The following CDH13 variants were observed in gnomAD, a reference collection of about 807,000 sequenced individuals.
CDH13 encodes cadherin 13, also known as cadherin-13.
CDH13 carries 24 observed loss-of-function variants against 63.8 expected under a neutral mutation model. That is an observed-to-expected ratio of 0.38 (90% confidence interval 0.27 to 0.53). CDH13 has a LOEUF of 0.53. CDH13 is among the 20% of genes least tolerant of loss of function. The probability of loss-of-function intolerance (pLI) is 0.85; values close to 1 mark genes in which losing one functional copy is unlikely to be tolerated. For synonymous variants in CDH13, 503 were observed against 355.3 expected, an observed-to-expected ratio of 1.42 and a Z score of -4.67; for missense variants, 1,049 against 903.1, an observed-to-expected ratio of 1.16 and a Z score of -2.07.
At chr16:82,872,108 A>G (rs868676108) in intron 2 of CDH13, among the ~76,000 whole-genome samples, 1 of 152,196 alleles carries the variant, frequency 6.6e-6, no homozygotes, top group African/African-American at 2.4e-5. Flanking sequence ...TTCTAAGGGT[A>G]TTGTGCTCTG....
chr16:83,030,280 C>T (rs773900655), intron 2 of CDH13, among the ~76,000 whole-genome samples: 11 of 152,194 alleles, frequency 7.2e-5, no homozygotes, highest in Non-Finnish European at 1.2e-4. Context: ...CTCTTGGCCT[C>T]TCTTCCTGCC....
chr16:83,686,474 G>C (rs564534362), intron 10 of CDH13, among the ~76,000 whole-genome samples: 8 of 152,158 alleles, frequency 5.3e-5, no homozygotes, highest in Non-Finnish European at 1.0e-4. Flanking sequence ...AAAGAAAGCA[G>C]CAAAATTGAA....
intron 1 of CDH13, among the ~76,000 whole-genome samples, chr16:82,682,354 G>A (rs1375019829): frequency 1.3e-5 from 2 of 152,162 alleles, no homozygotes; most frequent in Admixed American, 6.5e-5. Context: ...GAATAGAGTA[G>A]AAAGTTTTCA....
intron 7 of CDH13, among the ~76,000 whole-genome samples, chr16:83,554,709 A>C (rs181168804): frequency 6.6e-6 from 1 of 152,208 alleles, no homozygotes; most frequent in African/African-American, 2.4e-5. Context: ...ATACTTCTGC[A>C]AGGACATCTG....
chr16:82,844,095 G>A (rs1160316639), intron 1 of CDH13, among the ~76,000 whole-genome samples: 1 of 152,140 alleles, frequency 6.6e-6, no homozygotes, highest in Non-Finnish European at 1.5e-5. Context: ...ATGTGTCAAG[G>A]TTACCTGTAT....
intron 6 of CDH13, among the ~76,000 whole-genome samples, chr16:83,433,096 C>A (rs1260428271): frequency 6.6e-6 from 1 of 152,130 alleles, no homozygotes; most frequent in Admixed American, 6.5e-5. Context: ...CACAGAGAAG[C>A]CATCAGCAGG....
rs1904292719 is a variant in CDH13 at position 83,798,256 on chromosome 16, A to AT, written c.*3231dup. On this transcript the variant is annotated 3_prime_UTR_variant, in exon 14 of 14. Coordinates refer to ENST00000567109, the MANE Select transcript of CDH13 (RefSeq NM_001257.5). ...AATCTTAAGATGTGACAACTAAAAA[A>AT]TTTTTAACAAGTCTGTGTTTGATCC... 6.6e-6 allele frequency: 1 copy of AT among 152,218 alleles called. No individual in the cohort carries two copies. The highest frequency in any genetic ancestry group is 1.5e-5 in the Non-Finnish European group (1 of 68,048). The allele number at this position is 152,218 out of a possible 1,614,324, so 9.4% of individuals were successfully genotyped here. A position where few individuals can be genotyped will look rare whatever the true frequency, so the allele number is the denominator to read the frequency against.
chr16:82,853,183 T>C (rs1284241979), intron 1 of CDH13, among the ~76,000 whole-genome samples: 3 of 152,188 alleles, frequency 2.0e-5, no homozygotes, highest in African/African-American at 7.2e-5. Context: ...AACTCAATCA[T>C]ATCAGGCACT....
At position 83,678,124 on chromosome 16, in the gene CDH13, C is replaced by T. The variant is rs964107890; in HGVS notation, c.1285-84C>T. On this transcript the variant is annotated intron_variant, in intron 9 of 13. Coordinates refer to ENST00000567109, the MANE Select transcript of CDH13 (RefSeq NM_001257.5). ...CCATCCCTGAAGGCCCACTGTTGCT[C>T]GTGGAATTTCAGAGGAAGTTGATGC... The T allele has an allele frequency of 4.2e-6, 6 of 1,444,290 alleles. No homozygotes were observed. The South Asian group carries it at 5.2e-5, about 13-fold the overall frequency. 89.5% of individuals were successfully genotyped at this position (1,444,290 alleles called of 1,614,324 possible). A position where few individuals can be genotyped will look rare whatever the true frequency, so the allele number is the denominator to read the frequency against.
chr16:83,304,229 G>A (rs1325447255), intron 5 of CDH13, among the ~76,000 whole-genome samples: 1 of 152,070 alleles, frequency 6.6e-6, no homozygotes, highest in Admixed American at 6.6e-5. Context: ...CTGGGAACAC[G>A]CTGAAATATT....
chr16:83,367,197 G>A (rs1287084568), intron 6 of CDH13, among the ~76,000 whole-genome samples: 1 of 152,070 alleles, frequency 6.6e-6, no homozygotes, highest in African/African-American at 2.4e-5. Flanking sequence ...GCCCATTCTG[G>A]ACATTTCATA....
At chr16:83,500,313 TCC>T (rs1472092159) in intron 7 of CDH13, among the ~76,000 whole-genome samples, 37 of 1,464 alleles carry the variant, frequency 0.025, 10 homozygotes, top group East Asian at 0.5. Flanking sequence ...CTTCTCCTTC[TCC>T]TTCTCCTCCT....
chr16:82,823,838 G>A (rs1455810465), intron 1 of CDH13: 1 of 152,218 alleles, frequency 6.6e-6, no homozygotes, highest in Middle Eastern at 3.4e-3. Context: ...AATTGGAAGT[G>A]GGATTATACA....
chr16:83,228,082 G>A (rs1189130021), intron 5 of CDH13, among the ~76,000 whole-genome samples: 2 of 152,188 alleles, frequency 1.3e-5, no homozygotes, highest in Non-Finnish European at 2.9e-5. Context: ...TGAGAAGGGA[G>A]GCCAGATGGA....
chr16:82,733,637 A>G (rs2151040217), intron 1 of CDH13, among the ~76,000 whole-genome samples: 1 of 152,338 alleles, frequency 6.6e-6, no homozygotes, highest in South Asian at 2.1e-4. Context: ...GAGGTTCTAT[A>G]GATGCTCAAG....
At chr16:82,718,137 G>C (rs1421103853) in intron 1 of CDH13, among the ~76,000 whole-genome samples, 1 of 152,168 alleles carries the variant, frequency 6.6e-6, no homozygotes, top group African/African-American at 2.4e-5. Context: ...GCCAGTGATG[G>C]GAGTTGCTTT....
chr16:82,760,259 C>A (rs1421713498), intron 1 of CDH13, among the ~76,000 whole-genome samples: 2 of 152,132 alleles, frequency 1.3e-5, no homozygotes, highest in African/African-American at 4.8e-5. Flanking sequence ...ATAGTACCGC[C>A]CCCGCAAAAA....
At chr16:83,109,498 G>GA (rs2034957289) in intron 3 of CDH13, among the ~76,000 whole-genome samples, 1 of 152,190 alleles carries the variant, frequency 6.6e-6, no homozygotes, top group Non-Finnish European at 1.5e-5. Flanking sequence ...GGGAAGGTAT[G>GA]TGTCAAACCC....
At chr16:82,629,890 AATGTG>A (rs1477870102) in intron 1 of CDH13, among the ~76,000 whole-genome samples, 2 of 152,192 alleles carry the variant, frequency 1.3e-5, no homozygotes, top group Admixed American at 6.5e-5. Flanking sequence ...TTCCATGGTA[AATGTG>A]ATTCCCCTCC....
Sources: allele counts gnomAD v4.1 joint callset (sites outside exome capture counted in the v4.1 genomes callset), GRCh38; gene constraint gnomAD v4.1.1; transcripts MANE v1.5; gene names NCBI Gene and HGNC (gene_info 2026-07-23, HGNC 2026-07-21).